Variants in CTTNBP2NL observed in about 807,000 individuals in gnomAD.
CTTNBP2NL encodes CTTNBP2 N-terminal-like protein.
Under a neutral mutation model 32.5 loss-of-function variants are expected in CTTNBP2NL, and 16 were observed. The ratio of observed to expected loss-of-function variants is 0.49; its 90% CI spans 0.33 to 0.75. The LOEUF (loss-of-function observed/expected upper bound fraction) is 0.75. Among genes scored for constraint, CTTNBP2NL ranks in the 30% least tolerant of loss-of-function variants. The probability of loss-of-function intolerance (pLI) is 0.02; values close to 1 mark genes in which losing one functional copy is unlikely to be tolerated. For synonymous variants in CTTNBP2NL, 298 were observed against 289.4 expected, an observed-to-expected ratio of 1.03 and a Z score of -0.30; for missense variants, 645 against 756.0, an observed-to-expected ratio of 0.85 and a Z score of 1.72.
At position 112,454,600 on chromosome 1, in the gene CTTNBP2NL, G is replaced by C. The variant is rs768133176; in HGVS notation, c.438+44G>C. 1.6e-5 allele frequency: 22 copies of C among 1,355,260 alleles called. No individual in the cohort carries two copies. The East Asian group carries it at 3.9e-4, about 24-fold the overall frequency. 84.0% of individuals were successfully genotyped at this position (1,355,260 alleles called of 1,614,324 possible). On this transcript the variant is annotated intron_variant, in intron 5 of 5. Transcript: ENST00000271277. ...TTCACAGTAGCATTTGCCTGGAACAGCATTTCCCAAAGATTATTCTGCAGG... is the reference window on the plus strand; with the variant it reads ...TTCACAGTAGCATTTGCCTGGAACACCATTTCCCAAAGATTATTCTGCAGG...
chr1:112,408,956 C>A (rs547900165), intron 1 of CTTNBP2NL, among the ~76,000 whole-genome samples: 1 of 152,014 alleles, frequency 6.6e-6, no homozygotes, highest in South Asian at 2.1e-4. Flanking sequence ...GTGAGACCCC[C>A]GTCTCTACTA....
chr1:112,421,616 C>CA (rs34720155), intron 3 of CTTNBP2NL, among the ~76,000 whole-genome samples: 2,011 of 70,928 alleles, frequency 0.028, 32 homozygotes, highest in Middle Eastern at 0.075. Flanking sequence ...CCCATTTCTA[C>CA]AAAAAAAAAA....
chr1:112,452,756 C>T (rs537957326), intron 4 of CTTNBP2NL, among the ~76,000 whole-genome samples: 1 of 150,078 alleles, frequency 6.7e-6, no homozygotes, highest in South Asian at 2.1e-4. Context: ...ATCCTTCCAC[C>T]TCAGCCTCCT....
intron 2 of CTTNBP2NL, among the ~76,000 whole-genome samples, chr1:112,415,549 T>A (rs1452892440): frequency 2.2e-5 from 3 of 135,384 alleles, no homozygotes; most frequent in African/African-American, 8.8e-5. Flanking sequence ...AATTCTTGTT[T>A]GCTTTTTTTT....
chr1:112,407,032 C>T (rs1648686380), intron 1 of CTTNBP2NL, among the ~76,000 whole-genome samples: 1 of 152,200 alleles, frequency 6.6e-6, no homozygotes, highest in East Asian at 1.9e-4. Flanking sequence ...TAACTCAAAA[C>T]ATCTTTCCTC....
At chr1:112,435,748 C>T (rs1174597673) in intron 3 of CTTNBP2NL, among the ~76,000 whole-genome samples, 4 of 152,102 alleles carry the variant, frequency 2.6e-5, no homozygotes, top group Admixed American at 2.0e-4. Flanking sequence ...AAGAAAAAAT[C>T]GTTTGGAAAT....
chr1:112,457,350 T>G lies in CTTNBP2NL; in HGVS notation c.1858T>G (p.Ser620Ala). The change falls in exon 6 of 6, where the codon TCT (serine) becomes GCT (alanine). Residue 620 changes from serine to alanine, a missense_variant. Coordinates refer to ENST00000271277, the MANE Select transcript of CTTNBP2NL (RefSeq NM_018704.3). ...TGCAGAAGACCTTGCCAGCAGCTGC[T>G]CTTCCAATACTGTTGTAGCAAATGG... ...TTAEDLASSC[S>A]SNTVVANGKD... The G allele has an allele frequency of 6.2e-7, 1 of 1,614,216 alleles. No individual in the cohort carries two copies. Among genetic ancestry groups the G allele is most frequent in the South Asian group, 1.1e-5 (1 of 91,090 alleles).
chr1:112,434,327 T>C (rs1407824836), intron 3 of CTTNBP2NL, among the ~76,000 whole-genome samples: 2 of 152,204 alleles, frequency 1.3e-5, no homozygotes, highest in Non-Finnish European at 2.9e-5. Flanking sequence ...GTTCTGCCTT[T>C]GTTCTCTGTT....
At chr1:112,408,092 C>T (rs1424585511) in intron 1 of CTTNBP2NL, among the ~76,000 whole-genome samples, 2 of 151,668 alleles carry the variant, frequency 1.3e-5, no homozygotes. Flanking sequence ...GGTGATTTGC[C>T]GGCCTCAGCC....
chr1:112,412,811 G>T (rs1287806234), intron 2 of CTTNBP2NL, among the ~76,000 whole-genome samples: 3 of 151,848 alleles, frequency 2.0e-5, no homozygotes, highest in East Asian at 1.9e-4. Flanking sequence ...TAGAGACAGG[G>T]TTTCACCATG....
chr1:112,435,105 T>C (rs1025964622), intron 3 of CTTNBP2NL, among the ~76,000 whole-genome samples: 1 of 135,826 alleles, frequency 7.4e-6, no homozygotes, highest in Non-Finnish European at 1.5e-5. Flanking sequence ...ATCACACCAT[T>C]GCACTCCAGC....
chr1:112,407,110 A>G (rs1298316187), intron 1 of CTTNBP2NL, among the ~76,000 whole-genome samples: 1 of 152,248 alleles, frequency 6.6e-6, no homozygotes, highest in Non-Finnish European at 1.5e-5. Context: ...AATGCTGTCT[A>G]TAATATGGCT....
At chr1:112,427,103 G>C (rs1649427822) in intron 3 of CTTNBP2NL, among the ~76,000 whole-genome samples, 1 of 152,040 alleles carries the variant, frequency 6.6e-6, no homozygotes, top group Non-Finnish European at 1.5e-5. Flanking sequence ...ATACCTGATA[G>C]AATATTATTA....
intron 3 of CTTNBP2NL, among the ~76,000 whole-genome samples, chr1:112,437,434 G>A (rs1021551189): frequency 2.6e-5 from 4 of 152,160 alleles, no homozygotes. Flanking sequence ...GTTTTCTGTT[G>A]AAAAGTGTCT....
At position 112,398,604 on chromosome 1, in the gene CTTNBP2NL, T is replaced by C. The variant is rs145590666; in HGVS notation, c.-134+2332T>C. Among the ~76,000 whole-genome samples the C allele has an allele frequency of 5.3e-5, 8 of 152,272 alleles. No individual in the cohort carries two copies. The East Asian group carries it at 1.4e-3, about 26-fold the overall frequency. On this transcript the variant is annotated intron_variant, in intron 1 of 5. Coordinates refer to ENST00000271277, the MANE Select transcript of CTTNBP2NL (RefSeq NM_018704.3). The stretch of plus-strand genomic sequence containing the variant: ...TTGATTTTCCCCATCTTCTGTCTTA[T>C]GAAATTCCAGTGTCTTAAGTGACTA...
rs374711666 is a variant in CTTNBP2NL, at chr1:112,456,696, A to G, written c.1204A>G (p.Met402Val). 1,204 of 1,614,066 alleles carry G rather than the reference A, an allele frequency of 7.5e-4. 27 individuals are homozygous for G. In the South Asian group the frequency reaches 0.013, roughly 17 times the overall value. The change falls in exon 6 of 6, where the codon ATG becomes GTG. Residue 402 changes from methionine to valine, a missense_variant. Coordinates refer to ENST00000271277, the MANE Select transcript of CTTNBP2NL (RefSeq NM_018704.3). Reference protein sequence around the residue: ...CPVGIETPVPMPSPLSSSGSS... With the variant: ...CPVGIETPVPVPSPLSSSGSS... ...TGTGGGGATTGAGACTCCAGTCCCA[A>G]TGCCCAGTCCCCTCTCTTCCAGTGG...
intron 3 of CTTNBP2NL, among the ~76,000 whole-genome samples, chr1:112,433,687 C>T (rs1176319635): frequency 6.6e-6 from 1 of 152,188 alleles, no homozygotes; most frequent in East Asian, 1.9e-4. Context: ...ATTCTTAATA[C>T]ATTTTTTATT....
chr1:112,408,798 C>T (rs1302840909), intron 1 of CTTNBP2NL, among the ~76,000 whole-genome samples: 1 of 151,996 alleles, frequency 6.6e-6, no homozygotes, highest in Non-Finnish European at 1.5e-5. Context: ...AATTTACTGG[C>T]CTCCTATATT....
At chr1:112,425,993 G>A (rs971127323) in intron 3 of CTTNBP2NL, among the ~76,000 whole-genome samples, 6 of 134,098 alleles carry the variant, frequency 4.5e-5, no homozygotes, top group Non-Finnish European at 6.7e-5. Flanking sequence ...GTGTGTGTGT[G>A]TGTGTGTGTG....
Sources: gnomAD v4.1 joint callset for allele counts (sites outside exome capture counted in the v4.1 genomes callset) on GRCh38, gnomAD v4.1.1 for gene constraint, MANE v1.5 for transcripts, NCBI Gene and HGNC (gene_info 2026-07-23, HGNC 2026-07-21) for gene names.